The following SLCO3A1 variants were observed in gnomAD, a reference collection of about 807,000 sequenced individuals.
SLCO3A1 encodes solute carrier organic anion transporter family member 3A1, also known as PGE1 transporter.
In SLCO3A1, 27 loss-of-function variants were observed where a neutral mutation model predicts 63.1. The ratio of observed to expected loss-of-function variants is 0.43; its 90% CI spans 0.32 to 0.59. The LOEUF is 0.59. SLCO3A1 is among the 20% of genes least tolerant of loss of function. SLCO3A1 has a pLI of 0.09. For missense variants in SLCO3A1, 773 were observed against 945.8 expected (o/e 0.82, Z 2.40); for synonymous variants, 473 against 409.9 (o/e 1.15, Z -1.86).
At chr15:92,062,828 G>T (rs1435144355) in intron 2 of SLCO3A1, among the ~76,000 whole-genome samples, 1 of 152,198 alleles carries the variant, frequency 6.6e-6, no homozygotes, top group Non-Finnish European at 1.5e-5. Context: ...CTGGAAATCA[G>T]TGTCCAACCT....
intron 1 of SLCO3A1, among the ~76,000 whole-genome samples, chr15:91,870,788 C>CT (rs1302538305): frequency 1.3e-5 from 2 of 152,030 alleles, no homozygotes; most frequent in Admixed American, 1.3e-4. Flanking sequence ...AACCATCTTT[C>CT]TTTAGTCCTG....
chr15:92,096,810 G>C (rs1170373184), intron 3 of SLCO3A1, among the ~76,000 whole-genome samples: 1 of 152,202 alleles, frequency 6.6e-6, no homozygotes, highest in South Asian at 2.1e-4. Context: ...ATCAGAGGCA[G>C]CCCTATTTAT....
At chr15:92,126,709 G>A (rs950046881) in intron 6 of SLCO3A1, among the ~76,000 whole-genome samples, 1 of 152,120 alleles carries the variant, frequency 6.6e-6, no homozygotes, top group Non-Finnish European at 1.5e-5. Context: ...GAGGGAAAGG[G>A]GGAGAAAAAG....
rs1347551850 is a variant in SLCO3A1 at position 91,941,343 on chromosome 15, G to A, written c.646+24885G>A. 6 of 362,630 alleles carry A rather than the reference G, an allele frequency of 1.7e-5. No homozygotes were observed. The highest frequency in any genetic ancestry group is 2.7e-5 in the Non-Finnish European group (5 of 185,182). 22.5% of individuals were successfully genotyped at this position (362,630 alleles called of 1,614,324 possible). On this transcript the variant is annotated intron_variant, in intron 2 of 9. Coordinates refer to ENST00000318445, the MANE Select transcript of SLCO3A1 (RefSeq NM_013272.4). The surrounding 1 kb of genome is among the most constrained non-coding windows in gnomAD (Gnocchi z 4.4). ...GAATCAGTGCATGAGTGACCAGCTA[G>A]GACTGAGCCCAAAGACCTGAGATTC...
intron 4 of SLCO3A1, among the ~76,000 whole-genome samples, chr15:92,106,361 A>G (rs2047667769): frequency 6.6e-6 from 1 of 152,164 alleles, no homozygotes; most frequent in Non-Finnish European, 1.5e-5. Flanking sequence ...GCTTAATAAA[A>G]TAGGCTCACT....
At position 91,859,127 on chromosome 15, in the gene SLCO3A1, C is replaced by A. The variant is rs1020476010; in HGVS notation, c.180+5039C>A. Among the ~76,000 whole-genome samples the A allele has an allele frequency of 1.3e-5, 2 of 152,194 alleles. No homozygotes were observed. The highest frequency in any genetic ancestry group is 2.9e-5 in the Non-Finnish European group (2 of 68,044). Reference sequence around the variant, plus strand: ...ACGTGTTTGTGTACAGCGTTGCATACAATGAATATTGTATGCCATACTTTT... The same window carrying A: ...ACGTGTTTGTGTACAGCGTTGCATAAAATGAATATTGTATGCCATACTTTT... On this transcript the variant is annotated intron_variant, in intron 1 of 9. Transcript: ENST00000318445. The surrounding 1 kb of genome is among the most constrained non-coding windows in gnomAD (Gnocchi z 5.1).
chr15:91,987,076 G>A (rs951280684), intron 2 of SLCO3A1, among the ~76,000 whole-genome samples: 3 of 152,102 alleles, frequency 2.0e-5, no homozygotes, highest in Non-Finnish European at 4.4e-5. Flanking sequence ...TTTGCAACCT[G>A]AGCAGAAGTT....
At chr15:91,989,301 C>T (rs968333641) in intron 2 of SLCO3A1, among the ~76,000 whole-genome samples, 20 of 152,168 alleles carry the variant, frequency 1.3e-4, no homozygotes, top group African/African-American at 3.1e-4. Flanking sequence ...CAGCCCTTAA[C>T]GTACTGTATT....
rs756975646 is a variant in SLCO3A1, at chr15:91,967,872, TG to T, written c.646+51415del. Among the ~76,000 whole-genome samples the T allele has an allele frequency of 6.6e-6, 1 of 152,212 alleles. No individual in the cohort carries two copies. Among genetic ancestry groups the T allele is most frequent in the Non-Finnish European group, 1.5e-5 (1 of 68,044 alleles). ...AGGCTCTTTCCTTGTCTGCTTTGTC[TG>T]CAGGATTCAGCACCAAGAGCTCTCA... On this transcript the variant is annotated intron_variant, in intron 2 of 9. Transcript: ENST00000318445. The surrounding 1 kb of genome is among the most constrained non-coding windows in gnomAD (Gnocchi z 4.4).
At chr15:92,002,680 A>G (rs1473673799) in intron 2 of SLCO3A1, among the ~76,000 whole-genome samples, 4 of 152,212 alleles carry the variant, frequency 2.6e-5, no homozygotes, top group Non-Finnish European at 5.9e-5. Context: ...AGTGGTAGCA[A>G]TTATCTCTCA....
At chr15:91,970,649 C>G (rs1416837461) in intron 2 of SLCO3A1, among the ~76,000 whole-genome samples, 1 of 152,162 alleles carries the variant, frequency 6.6e-6, no homozygotes, top group African/African-American at 2.4e-5. Context: ...CCCATTTCTC[C>G]CATTACTCCT....
chr15:91,950,568 G>T lies in SLCO3A1; in HGVS notation c.646+34110G>T, dbSNP rs1473573822. ...TGCTGCAGGCTCCATAATGTCATCC[G>T]GTCTTTCTAGCCTCCTAAGAATGAG... On this transcript the variant is annotated intron_variant, in intron 2 of 9. Transcript: ENST00000318445. This position sits in a 1 kb window ranked among gnomAD's most constrained non-coding sequence, Gnocchi z 4.4. 6.6e-6 allele frequency among the ~76,000 whole-genome samples: 1 copy of T among 152,340 alleles called. No individual in the cohort carries two copies. The highest frequency in any genetic ancestry group is 6.5e-5 in the Admixed American group (1 of 15,304).
At chr15:92,101,230 T>C (rs1347619755) in intron 3 of SLCO3A1, among the ~76,000 whole-genome samples, 1 of 152,198 alleles carries the variant, frequency 6.6e-6, no homozygotes, top group African/African-American at 2.4e-5. Flanking sequence ...ATTTGTTAGC[T>C]GGGCACAGTG....
At chr15:91,955,964 A>G (rs915103753) in intron 2 of SLCO3A1, among the ~76,000 whole-genome samples, 1 of 152,042 alleles carries the variant, frequency 6.6e-6, no homozygotes, top group African/African-American at 2.4e-5. Context: ...TGTTTTTACT[A>G]TTATTACTGT....
chr15:91,878,296 C>G lies in SLCO3A1; in HGVS notation c.180+24208C>G, dbSNP rs536718352. Reference sequence around the variant, plus strand: ...GACGAAGTTCACCCTGTTGGCCAGGCTGGTCTCAGGTGACCTCAGGTGACC... The same window carrying G: ...GACGAAGTTCACCCTGTTGGCCAGGGTGGTCTCAGGTGACCTCAGGTGACC... On this transcript the variant is annotated intron_variant, in intron 1 of 9. Transcript: ENST00000318445. 1.1e-4 allele frequency among the ~76,000 whole-genome samples: 17 copies of G among 152,126 alleles called. No individual in the cohort carries two copies. The East Asian group carries it at 3.1e-3, about 28-fold the overall frequency.
rs751402415 is a variant in SLCO3A1, at chr15:92,128,499, T to C, written c.1512+10T>C. The C allele has an allele frequency of 6.4e-7, 1 of 1,567,006 alleles. No homozygotes were observed. The highest frequency in any genetic ancestry group is 1.7e-5 in the Admixed American group (1 of 58,184). ...TGGCTGCAACAGCACGGTAATGGGA[T>C]GGGGCAGGGGATGGGGCAGGGGATT... On this transcript the variant is annotated intron_variant, in intron 7 of 9. Transcript: ENST00000318445.
intron 2 of SLCO3A1, 105 bp from the exon 3 acceptor site, chr15:92,094,776 G>T: frequency 2.8e-6 from 2 of 702,980 alleles, no homozygotes. Flanking sequence ...AATTCCTAAT[G>T]TCATCTCATC....
chr15:92,034,898 CCT>C lies in SLCO3A1; in HGVS notation c.647-59982_647-59981del, dbSNP rs891105034. Among the ~76,000 whole-genome samples the C allele has an allele frequency of 1.5e-3, 231 of 152,094 alleles. 2 individuals carry two copies. Among genetic ancestry groups the C allele is most frequent in the African/African-American group, 5.4e-3 (226 of 41,524 alleles). ...AGCTCTAACTGTCATTCGCTGATTTCCTGTTTAATCTGTCAAGTGATCTACGT... is the reference window on the plus strand; with the variant it reads ...AGCTCTAACTGTCATTCGCTGATTTCGTTTAATCTGTCAAGTGATCTACGT... On this transcript the variant is annotated intron_variant, in intron 2 of 9. Coordinates refer to ENST00000318445, the MANE Select transcript of SLCO3A1 (RefSeq NM_013272.4).
chr15:92,057,199 G>C (rs1267672862), intron 2 of SLCO3A1, among the ~76,000 whole-genome samples: 2 of 152,202 alleles, frequency 1.3e-5, no homozygotes, highest in Non-Finnish European at 2.9e-5. Context: ...CACCTGGACT[G>C]CCGGTAAGAA....
Sources: gnomAD v4.1 joint callset for allele counts (sites outside exome capture counted in the v4.1 genomes callset) on GRCh38, gnomAD v4.1.1 for gene constraint, Gnocchi (gnomAD v3.1) non-coding constraint, MANE v1.5 for transcripts, NCBI Gene and HGNC (gene_info 2026-07-23, HGNC 2026-07-21) for gene names.